Variants in ADGRL3 observed in about 807,000 individuals in gnomAD.
ADGRL3 encodes the protein adhesion G protein-coupled receptor L3, also known as calcium-independent alpha-latrotoxin receptor 3.
Under a neutral mutation model 153.5 loss-of-function variants are expected in ADGRL3, and 62 were observed. The observed-to-expected ratio is 0.40, with a 90% CI of 0.33 to 0.50. ADGRL3 has a LOEUF of 0.50. Ranked by LOEUF, ADGRL3 falls within the 20% of genes least tolerant of loss-of-function variation. The pLI is 0.47. For missense variants in ADGRL3, 1,641 were observed against 1,859.4 expected (o/e 0.88, Z 2.16); for synonymous variants, 710 against 672.5 (o/e 1.06, Z -0.86).
intron 2 of ADGRL3, among the ~76,000 whole-genome samples, chr4:61,470,303 A>G (rs2097932895): frequency 6.6e-6 from 1 of 151,894 alleles, no homozygotes; most frequent in African/African-American, 2.4e-5. Flanking sequence ...GACTCATTCC[A>G]GGTAATATTT....
At chr4:61,694,998 T>C (rs571955422) in intron 6 of ADGRL3, among the ~76,000 whole-genome samples, 1 of 152,282 alleles carries the variant, frequency 6.6e-6, no homozygotes, top group Admixed American at 6.5e-5. Context: ...ATCTTCAGGC[T>C]CCACTTCTAG....
chr4:61,866,209 T>A (rs561758671), intron 9 of ADGRL3, among the ~76,000 whole-genome samples: 45 of 152,332 alleles, frequency 3.0e-4, no homozygotes, highest in African/African-American at 1.0e-3. Context: ...TCTCTGTTTC[T>A]CTGCTTTGTC....
chr4:61,778,099 C>T (rs549631252), intron 8 of ADGRL3, among the ~76,000 whole-genome samples: 3 of 152,306 alleles, frequency 2.0e-5, no homozygotes, highest in Non-Finnish European at 2.9e-5. Context: ...GGTCAAAAGA[C>T]TGTCAAAACT....
chr4:61,253,677 TTGTA>T (rs1297515005), intron 1 of ADGRL3, among the ~76,000 whole-genome samples: 2 of 139,534 alleles, frequency 1.4e-5, no homozygotes, highest in East Asian at 2.1e-4. Flanking sequence ...ACAACTTTGT[TTGTA>T]TGTTCAGTTC....
intron 4 of ADGRL3, among the ~76,000 whole-genome samples, chr4:61,525,383 A>T (rs565117361): frequency 6.6e-6 from 1 of 152,236 alleles, no homozygotes; most frequent in African/African-American, 2.4e-5. Context: ...AGTCTAATTT[A>T]ACCAACAACA....
intron 4 of ADGRL3, among the ~76,000 whole-genome samples, chr4:61,528,549 T>C (rs572471733): frequency 2.8e-4 from 43 of 152,102 alleles, no homozygotes; most frequent in Non-Finnish European, 5.0e-4. Flanking sequence ...TATGGGGATT[T>C]ATATAGATTC....
intron 5 of ADGRL3, among the ~76,000 whole-genome samples, chr4:61,660,768 A>C (rs574220961): frequency 5.9e-5 from 9 of 152,092 alleles, no homozygotes; most frequent in Non-Finnish European, 1.2e-4. Context: ...CTTCTGAGTA[A>C]CTTTCCACAT....
chr4:61,538,153 T>C (rs999325277), intron 4 of ADGRL3, among the ~76,000 whole-genome samples: 2 of 152,316 alleles, frequency 1.3e-5, no homozygotes, highest in South Asian at 4.1e-4. Flanking sequence ...TAAAATAAAA[T>C]AAAATAAAAA....
intron 1 of ADGRL3, 86 bp from the exon 2 acceptor site, chr4:61,383,038 T>G (rs1209346335): frequency 6.6e-6 from 1 of 151,804 alleles, no homozygotes; most frequent in Non-Finnish European, 1.5e-5. Context: ...ACAGGAAATA[T>G]TCAAAGCATT....
intron 6 of ADGRL3, among the ~76,000 whole-genome samples, chr4:61,679,779 T>A (rs1385946591): frequency 6.6e-6 from 1 of 152,064 alleles, no homozygotes; most frequent in Non-Finnish European, 1.5e-5. Context: ...CTGTTTCTAA[T>A]ACCTGTTCTT....
chr4:61,995,813 C>A (rs1199742186), intron 19 of ADGRL3, among the ~76,000 whole-genome samples: 1 of 152,108 alleles, frequency 6.6e-6, no homozygotes, highest in Non-Finnish European at 1.5e-5. Flanking sequence ...GGCTGCCCAA[C>A]CTAATTAAAC....
At chr4:61,519,130 C>T (rs2098515162) in intron 4 of ADGRL3, among the ~76,000 whole-genome samples, 1 of 152,076 alleles carries the variant, frequency 6.6e-6, no homozygotes, top group South Asian at 2.1e-4. Flanking sequence ...AATGTAAACA[C>T]AAACACATAG....
chr4:61,459,992 G>A (rs186576085), intron 2 of ADGRL3, among the ~76,000 whole-genome samples: 1 of 152,166 alleles, frequency 6.6e-6, no homozygotes, highest in East Asian at 1.9e-4. Flanking sequence ...TGTTGGATGA[G>A]TAATTTGCAA....
At chr4:61,898,704 C>T (rs987897875) in intron 11 of ADGRL3, among the ~76,000 whole-genome samples, 1 of 151,768 alleles carries the variant, frequency 6.6e-6, no homozygotes, top group Non-Finnish European at 1.5e-5. Context: ...CTGCAACCTC[C>T]AACTCCCAGG....
intron 6 of ADGRL3, among the ~76,000 whole-genome samples, chr4:61,694,176 ATTATTTTTTTTTT>A (rs2095594181): frequency 2.1e-5 from 2 of 94,702 alleles, no homozygotes; most frequent in African/African-American, 7.4e-5. Context: ...AAATTTTGTC[ATTATTTTTTTTTT>A]TTTTTTTTTT....
At chr4:61,723,838 C>A (rs915337288) in intron 6 of ADGRL3, among the ~76,000 whole-genome samples, 1 of 152,052 alleles carries the variant, frequency 6.6e-6, no homozygotes, top group Non-Finnish European at 1.5e-5. Context: ...AAGAAAAAGC[C>A]TTACCGAGGA....
chr4:61,466,915 T>C (rs532206845), intron 2 of ADGRL3, among the ~76,000 whole-genome samples: 1 of 152,152 alleles, frequency 6.6e-6, no homozygotes, highest in African/African-American at 2.4e-5. Context: ...ATAAAACTAT[T>C]GTTAAGATTT....
intron 8 of ADGRL3, among the ~76,000 whole-genome samples, chr4:61,784,373 A>G (rs777024333): frequency 6.6e-6 from 1 of 152,136 alleles, no homozygotes; most frequent in Non-Finnish European, 1.5e-5. Flanking sequence ...TCTGCTTGAC[A>G]TGTGAACAAT....
chr4:61,388,028 C>T (rs952528884), intron 2 of ADGRL3, among the ~76,000 whole-genome samples: 6 of 152,034 alleles, frequency 3.9e-5, no homozygotes, highest in Non-Finnish European at 5.9e-5. Flanking sequence ...TCAGCGGGTC[C>T]CTCCATTTGG....
Sources: allele counts gnomAD v4.1 joint callset (sites outside exome capture counted in the v4.1 genomes callset), GRCh38; gene constraint gnomAD v4.1.1; transcripts MANE v1.5; gene names NCBI Gene and HGNC (gene_info 2026-07-23, HGNC 2026-07-21).